COG8: variants seen among roughly 807,000 people sequenced by gnomAD.
COG8 encodes component of oligomeric golgi complex 8, also known as conserved oligomeric Golgi complex subunit 8.
COG8 carries 45 observed loss-of-function variants against 46.5 expected under a neutral mutation model. That is an observed-to-expected ratio of 0.97 (90% CI 0.76 to 1.24). The LOEUF (loss-of-function observed/expected upper bound fraction) is 1.24, where lower values mean the gene tolerates loss of function less well. Among genes scored for constraint, COG8 ranks in the 50% most tolerant of loss-of-function variants. The probability of loss-of-function intolerance (pLI) is 0.00; values close to 1 mark genes in which losing one functional copy is unlikely to be tolerated. For synonymous variants in COG8, 407 were observed against 347.8 expected, an observed-to-expected ratio of 1.17 and a Z score of -1.90; for missense variants, 793 against 820.8, an observed-to-expected ratio of 0.97 and a Z score of 0.41.
In COG8 at chr16:69,328,938, T is replaced by G. The variant is rs1965688330; in HGVS notation, c.*268A>C. ...TCCTGTCATATGCGAGCCATCCAAG[T>G]TGATGCCAAGTAAGATTTGCCCAGC... is the stretch of plus-strand genomic sequence containing the variant. On this transcript the variant is annotated 3_prime_UTR_variant, in exon 6 of 6. Transcript: ENST00000306875. 1 of 1,533,774 alleles carries G rather than the reference T, an allele frequency of 6.5e-7. No homozygotes were observed.
At position 69,339,525 on chromosome 16, in the gene COG8, C is replaced by T; in HGVS notation, c.28G>A (p.Val10Ile). MATAATIPSVATATAAALGE... is the reference protein window; with the variant it reads MATAATIPSIATATAAALGE... The stretch of plus-strand genomic sequence containing the variant: ...AGAGCCGCTGCTGTGGCCGTGGCTA[C>T]CGATGGGATAGTCGCCGCGGTCGCC... The change falls in exon 1 of 6, where the codon GTA becomes ATA. Residue 10 changes from valine (V) to isoleucine (I), a missense_variant. By Grantham distance (29) the Val-to-Ile change is conservative. Transcript: ENST00000306875. 2 of 1,608,276 alleles carry T rather than the reference C, an allele frequency of 1.2e-6. No homozygotes were observed. Among genetic ancestry groups the T allele is most frequent in the Non-Finnish European group, 8.5e-7 (1 of 1,179,938 alleles).
intron 4 of COG8, among the ~76,000 whole-genome samples, chr16:69,332,080 G>GT (rs2011900555): frequency 6.6e-6 from 1 of 152,214 alleles, no homozygotes; most frequent in South Asian, 2.1e-4. Context: ...TAGGACGGGC[G>GT]TGGTGGCTCA....
At position 69,334,947 on chromosome 16, in the gene COG8, C is replaced by A; in HGVS notation, c.987G>T (p.Val329=). 1 of 1,614,168 alleles carries A rather than the reference C, an allele frequency of 6.2e-7. No homozygotes were observed. Among genetic ancestry groups the A allele is most frequent in the Non-Finnish European group, 8.5e-7 (1 of 1,180,038 alleles). The change falls in exon 3 of 6, where the codon GTG becomes GTT. Residue 329 remains valine, a synonymous_variant. Transcript: ENST00000306875. ...VLQKVSQFLQ[V]LETDLYRGIG... is the part of the protein sequence containing the mutation. ...TGCCCCGGTAAAGGTCGGTCTCCAG[C>A]ACCTGCAGGAATTGTGAGACCTTCT...
At chr16:69,330,639 G>T in intron 5 of COG8, 174 bp downstream of exon 5, 1 of 1,401,218 alleles carries the variant, frequency 7.1e-7, no homozygotes, top group East Asian at 2.8e-5. Flanking sequence ...GGGAAGCGCC[G>T]TCGGCCAGCA....
chr16:69,333,833 A>T (rs1036635436), intron 3 of COG8, among the ~76,000 whole-genome samples: 1 of 152,246 alleles, frequency 6.6e-6, no homozygotes. Context: ...TCTGTAAAAT[A>T]AAACACTTTT....
In COG8 at chr16:69,335,057, A is replaced by T; in HGVS notation, c.877T>A (p.Phe293Ile). 6.2e-7 allele frequency: 1 copy of T among 1,614,208 alleles called. No individual in the cohort carries two copies. Among genetic ancestry groups the T allele is most frequent in the Non-Finnish European group, 8.5e-7 (1 of 1,180,036 alleles). ...GGCAGCAGTGGGTCCTCGTCTGAGA[A>T]GATGGCACGGTACTGGGTGATGATA... is the stretch of plus-strand genomic sequence containing the variant. ...FDIITQYRAI[F>I]SDEDPLLPPA... Residue 293 changes from phenylalanine (F) to isoleucine (I), a missense_variant, in exon 3 of 6, where the codon TTC (phenylalanine) becomes ATC (isoleucine). Coordinates refer to ENST00000306875, the MANE Select transcript of COG8 (RefSeq NM_032382.5).
chr16:69,337,516 C>T (rs1421201965), intron 1 of COG8, among the ~76,000 whole-genome samples: 1 of 152,176 alleles, frequency 6.6e-6, no homozygotes, highest in Non-Finnish European at 1.5e-5. Flanking sequence ...TTCTCCTATG[C>T]TAATGTTCAA....
rs770529131 is a variant in COG8, at chr16:69,331,006, T to C, written c.1672A>G (p.Lys558Glu). The part of the protein sequence containing the change: ...IQEPLAFILP[K>E]RETLFTLDDQ... ...TCCAGGGTGAAAAGCGTCTCTCTCT[T>C]TGGCAGGATAAAGGCGAGGGGCTCC... is the stretch of plus-strand genomic sequence containing the variant. Residue 558 changes from lysine (K) to glutamate (E), a missense_variant, in exon 5 of 6, where the codon AAG (lysine) becomes GAG (glutamate). Lys to Glu is a moderately conservative substitution (Grantham distance 56). Transcript: ENST00000306875. 2.5e-5 allele frequency: 41 copies of C among 1,612,000 alleles called. No individual in the cohort carries two copies. The highest frequency in any genetic ancestry group is 3.3e-5 in the Non-Finnish European group (39 of 1,179,370).
intron 5 of COG8, chr16:69,329,921 A>C (rs1313110598): frequency 7.1e-7 from 1 of 1,417,686 alleles, no homozygotes; most frequent in African/African-American, 1.5e-5. Context: ...AACCGCGACC[A>C]CTTCTGCGCT....
Position 69,327,173 on chromosome 16 carries a change from T to C in COG8, c.*2033A>G, listed in dbSNP as rs1021460975. On this transcript the variant is annotated 3_prime_UTR_variant, in exon 6 of 6. Transcript: ENST00000306875. ...GGTTGGGATTCCCTTTTTTTTTTTT[T>C]TTTTTTTTTTTTGAGACAGAGCCTT... 66 of 144,522 alleles carry C rather than the reference T, an allele frequency of 4.6e-4. No homozygotes were observed. Among genetic ancestry groups the C allele is most frequent in the African/African-American group, 1.3e-3 (51 of 38,706 alleles). 9.0% of individuals were successfully genotyped at this position (144,522 alleles called of 1,614,324 possible).
In COG8 at chr16:69,334,655, T is replaced by C; in HGVS notation, c.1279A>G (p.Met427Val). The change falls in exon 3 of 6, where the codon ATG becomes GTG. Residue 427 changes from methionine to valine, a missense_variant. Physicochemically the swap from Met to Val is conservative, Grantham distance 21. Transcript: ENST00000306875. ...AGGGGTGGGAAATCTAGGAGCACCA[T>C]GGGTGGCTGCAGCGTCCCCGGCTGG... ...ATQPGTLQPPMVLLDFPPLAC... is the reference protein window; with the variant it reads ...ATQPGTLQPPVVLLDFPPLAC... The C allele has an allele frequency of 6.2e-7, 1 of 1,614,190 alleles. No individual in the cohort carries two copies. Among genetic ancestry groups the C allele is most frequent in the Non-Finnish European group, 8.5e-7 (1 of 1,180,024 alleles).
rs1171817834 is a variant in COG8, at chr16:69,335,301, C to T, written c.633G>A (p.Gln211=). The change falls in exon 3 of 6, where the codon CAG becomes CAA. Residue 211 remains glutamine (Q), a synonymous_variant. Coordinates refer to ENST00000306875, the MANE Select transcript of COG8 (RefSeq NM_032382.5). ...VRQSMQLMLS[Q]LIQQLRTNIQ... Reference sequence around the variant, plus strand: ...TGTTGGTCCTCAGTTGCTGGATCAGCTGGCTCAGCATCAGCTGCATGGACT... The same window carrying T: ...TGTTGGTCCTCAGTTGCTGGATCAGTTGGCTCAGCATCAGCTGCATGGACT... 1 of 1,610,838 alleles carries T rather than the reference C, an allele frequency of 6.2e-7. No individual in the cohort carries two copies. Among genetic ancestry groups the T allele is most frequent in the Non-Finnish European group, 8.5e-7 (1 of 1,179,556 alleles).
At chr16:69,331,197 C>T in intron 4 of COG8, 102 bp from the exon 5 acceptor site, 1 of 1,346,886 alleles carries the variant, frequency 7.4e-7, no homozygotes, top group South Asian at 1.2e-5. Flanking sequence ...CCTGTAATCC[C>T]AGCACTTTGG....
chr16:69,337,347 G>A (rs1043843972), intron 1 of COG8, among the ~76,000 whole-genome samples: 9 of 151,666 alleles, frequency 5.9e-5, no homozygotes, highest in Admixed American at 3.9e-4. Flanking sequence ...ATGAGATGAT[G>A]TGTGTGAAGC....
intron 5 of COG8, 30 bp from the exon 6 acceptor site, chr16:69,329,209 G>A (rs1429824110): frequency 1.3e-6 from 2 of 1,552,624 alleles, no homozygotes; most frequent in African/African-American, 1.4e-5. Flanking sequence ...CCTGGTGAGT[G>A]GGAACAGCTG....
intron 4 of COG8, among the ~76,000 whole-genome samples, chr16:69,332,219 G>GCTACGCCAC (rs1164070737): frequency 1.3e-5 from 2 of 152,136 alleles, no homozygotes; most frequent in Non-Finnish European, 2.9e-5. Context: ...GCGTGGTGGT[G>GCTACGCCAC]CGAGTCTGTA....
At chr16:69,330,011 G>T in intron 5 of COG8, 1 of 1,539,084 alleles carries the variant, frequency 6.5e-7, no homozygotes. Flanking sequence ...GATCTGCACC[G>T]CCTGGAAGCG....
Position 69,330,917 on chromosome 16 carries a change from G to T in COG8, c.1761C>A (p.Arg587=). 6.4e-7 allele frequency: 1 copy of T among 1,557,454 alleles called. No homozygotes were observed. The highest frequency in any genetic ancestry group is 8.7e-7 in the Non-Finnish European group (1 of 1,150,740). Reference sequence around the variant, plus strand: ...GGCAGGCTGGGCCCGCGGGCTCCAGGCGTGGCTCCTCGGCGGGAGGCTCTG... The same window carrying T: ...GGCAGGCTGGGCCCGCGGGCTCCAGTCGTGGCTCCTCGGCGGGAGGCTCTG... ...PAPEPPAEEP[R]LEPAGPACPE... The change falls in exon 5 of 6, where the codon CGC becomes CGA. Residue 587 remains arginine, a synonymous_variant. Transcript: ENST00000306875.
Position 69,334,889 on chromosome 16 carries a change from A to G in COG8, c.1045T>C (p.Cys349Arg). Residue 349 changes from cysteine to arginine, a missense_variant, in exon 3 of 6, where the codon TGC (cysteine) becomes CGC (arginine). Transcript: ENST00000306875. ...GGHLDSLLGQ[C>R]MYFGLSFSRV... Reference sequence around the variant, plus strand: ...CTGAAGGACAGCCCAAAGTACATGCACTGGCCCAGCAGAGAGTCCAGGTGG... The same window carrying G: ...CTGAAGGACAGCCCAAAGTACATGCGCTGGCCCAGCAGAGAGTCCAGGTGG... The G allele has an allele frequency of 6.2e-7, 1 of 1,614,180 alleles. No homozygotes were observed. The highest frequency in any genetic ancestry group is 2.2e-5 in the East Asian group (1 of 44,882).
Sources: gnomAD v4.1 joint callset for allele counts (sites outside exome capture counted in the v4.1 genomes callset) on GRCh38, gnomAD v4.1.1 for gene constraint, MANE v1.5 for transcripts, NCBI Gene and HGNC (gene_info 2026-07-23, HGNC 2026-07-21) for gene names.